TPM4: variants seen among roughly 807,000 people sequenced by gnomAD.
TPM4 encodes the protein tropomyosin alpha-4 chain.
In TPM4, 17 loss-of-function variants were observed where a neutral mutation model predicts 35.8. That is an observed-to-expected ratio of 0.47 (90% CI 0.32 to 0.71). The LOEUF (loss-of-function observed/expected upper bound fraction) is 0.71. Ranked by LOEUF, TPM4 falls within the 30% of genes least tolerant of loss-of-function variation. The probability of loss-of-function intolerance (pLI) is 0.03; values close to 1 mark genes in which losing one functional copy is unlikely to be tolerated. For missense variants in TPM4, 240 were observed against 320.9 expected (o/e 0.75, Z 1.93); for synonymous variants, 120 against 122.9 (o/e 0.98, Z 0.15).
chr19:16,069,471 A>G (rs1199113086), intron 2 of TPM4, among the ~76,000 whole-genome samples: 13 of 4,600 alleles, frequency 2.8e-3, no homozygotes, highest in Non-Finnish European at 3.8e-3. Context: ...GTGAATGTGT[A>G]TGGATGAGTG....
chr19:16,096,981 TCTCA>T (rs2090708304), intron 7 of TPM4, among the ~76,000 whole-genome samples: 1 of 116,228 alleles, frequency 8.6e-6, no homozygotes, highest in Non-Finnish European at 1.7e-5. Context: ...CAAGACAGGG[TCTCA>T]CTCTGTTGCC....
intron 7 of TPM4, among the ~76,000 whole-genome samples, chr19:16,098,302 G>A (rs1016547793): frequency 9.9e-5 from 15 of 152,086 alleles, no homozygotes; most frequent in African/African-American, 3.4e-4. Flanking sequence ...AATTAGCCGG[G>A]CATGGTCATG....
intron 2 of TPM4, among the ~76,000 whole-genome samples, chr19:16,083,129 C>T (rs559724300): frequency 6.6e-6 from 1 of 152,052 alleles, no homozygotes; most frequent in Non-Finnish European, 1.5e-5. Context: ...CAGTTGCAAA[C>T]CAGCATGGTT....
intron 1 of TPM4, among the ~76,000 whole-genome samples, chr19:16,078,738 G>A (rs1043900040): frequency 1.3e-5 from 2 of 150,138 alleles, no homozygotes; most frequent in East Asian, 2.0e-4. Flanking sequence ...GAAAAAGTTC[G>A]AAAAGTTCTT....
rs2090765682 is a variant in TPM4, at chr19:16,101,780, A to C, written c.*434A>C. 2 of 230,022 alleles carry C rather than the reference A, an allele frequency of 8.7e-6. No homozygotes were observed. Among genetic ancestry groups the C allele is most frequent in the Middle Eastern group, 1.3e-3 (1 of 780 alleles). The allele number at this position is 230,022 out of a possible 1,614,324, so 14.2% of individuals were successfully genotyped here. A position where few individuals can be genotyped will look rare whatever the true frequency, so the allele number is the denominator to read the frequency against. On this transcript the variant is annotated 3_prime_UTR_variant, in exon 8 of 8. Coordinates refer to ENST00000643579, the MANE Select transcript of TPM4 (RefSeq NM_003290.3). ...AACTGTTGGTCAAACTATAGGAGAGACCAGGGACCATCACATGGGTAGGGA... is the reference window on the plus strand; with the variant it reads ...AACTGTTGGTCAAACTATAGGAGAGCCCAGGGACCATCACATGGGTAGGGA...
At chr19:16,086,576 G>A (rs2090555726) in intron 3 of TPM4, 36 bp downstream of exon 3, 3 of 1,571,708 alleles carry the variant, frequency 1.9e-6, no homozygotes, top group Non-Finnish European at 1.7e-6. Flanking sequence ...GCAGCAGGAA[G>A]TGGGAGGAAA....
chr19:16,077,223 C>T (rs2090420583), intron 1 of TPM4: 1 of 146,032 alleles, frequency 6.8e-6, no homozygotes, highest in African/African-American at 2.5e-5. Context: ...CCGGCTTCTG[C>T]TTGCTTCCCT....
rs573354087 is a variant in TPM4, at chr19:16,079,422, C to G, written c.133-2491C>G. Among the ~76,000 whole-genome samples the G allele has an allele frequency of 2.6e-4, 39 of 152,244 alleles. No individual in the cohort carries two copies. In the South Asian group the frequency reaches 8.1e-3, roughly 32 times the overall value. On this transcript the variant is annotated intron_variant, in intron 1 of 7. Transcript: ENST00000643579. ...TGAAGGTGGTAGGAGGAGTTAAGAT[C>G]TAGGCAATTAAAAAGAATGAAAGGC...
chr19:16,098,594 G>A (rs1012557620), intron 7 of TPM4, among the ~76,000 whole-genome samples: 1 of 152,144 alleles, frequency 6.6e-6, no homozygotes, highest in Non-Finnish European at 1.5e-5. Flanking sequence ...CAAAATAGAT[G>A]CTAAAGCATC....
At chr19:16,080,631 CGA>C (rs2090471711) in intron 1 of TPM4, among the ~76,000 whole-genome samples, 1 of 152,020 alleles carries the variant, frequency 6.6e-6, no homozygotes, top group Non-Finnish European at 1.5e-5. Flanking sequence ...ACCAACAAGA[CGA>C]AACCCTGTCT....
At position 16,085,796 on chromosome 19, in the gene TPM4, C is replaced by T. The variant is rs534628278; in HGVS notation, c.267-627C>T. Among the ~76,000 whole-genome samples, 9 of 152,198 alleles carry T rather than the reference C, an allele frequency of 5.9e-5. No individual in the cohort carries two copies. In the South Asian group the frequency reaches 1.7e-3, roughly 28 times the overall value. On this transcript the variant is annotated intron_variant, in intron 2 of 7. Coordinates refer to ENST00000643579, the MANE Select transcript of TPM4 (RefSeq NM_003290.3). ...AGTAAAGATGAAGGGAGGCTGGGCG[C>T]GGTGGCTCACACCTGTAATCCCAGC...
At chr19:16,068,053 A>G in intron 2 of TPM4, 2 of 423,202 alleles carry the variant, frequency 4.7e-6, no homozygotes, top group Admixed American at 8.5e-5. Context: ...TGTGTACTAG[A>G]TAGGGCGGTT....
Position 16,089,118 on chromosome 19 carries a change from A to G in TPM4, c.529A>G (p.Lys177Glu). ...GAAATCTCTGGAGGCTGCATCTGAAAAGGTAGGTGGTTGGCTTGAGCTGGA... is the reference window on the plus strand; with the variant it reads ...GAAATCTCTGGAGGCTGCATCTGAAGAGGTAGGTGGTTGGCTTGAGCTGGA... The part of the protein sequence containing the change: ...NLKSLEAASE[K>E]YSEKEDKYEE... The change falls in exon 5 of 8, where the codon AAG (lysine) becomes GAG (glutamate). Residue 177 changes from lysine (K) to glutamate (E), a missense_variant and splice_region_variant. By Grantham distance (56) the Lys-to-Glu change is moderately conservative (BLOSUM62 1). Transcript: ENST00000643579. The G allele has an allele frequency of 6.2e-7, 1 of 1,613,506 alleles. No individual in the cohort carries two copies. Among genetic ancestry groups the G allele is most frequent in the Non-Finnish European group, 8.5e-7 (1 of 1,179,984 alleles).
upstream of TPM4, chr19:16,075,977 GACCGCCCCTGC>G (rs1322863624): frequency 4.5e-6 from 7 of 1,542,732 alleles, no homozygotes; most frequent in East Asian, 1.7e-4. Flanking sequence ...TATTGGGGGG[GACCGCCCCTGC>G]ACCTCGGGGA....
intron 7 of TPM4, 85 bp from the exon 8 acceptor site, chr19:16,101,179 G>GAA: frequency 1.1e-5 from 12 of 1,140,222 alleles, no homozygotes; most frequent in East Asian, 2.8e-5. Context: ...TCAAGAAGAA[G>GAA]AAAAAAAAAC....
intron 4 of TPM4, chr19:16,088,618 TGA>T: frequency 9.7e-7 from 1 of 1,035,732 alleles, no homozygotes; most frequent in Non-Finnish European, 1.2e-6. Context: ...CCGGGAGTGC[TGA>T]GAGAGATCTG....
intron 5 of TPM4, among the ~76,000 whole-genome samples, chr19:16,090,483 G>A (rs1279696330): frequency 6.6e-6 from 1 of 151,412 alleles, no homozygotes; most frequent in African/African-American, 2.4e-5. Context: ...TGAACTCCTG[G>A]CCTCAAGTGA....
At chr19:16,069,966 C>G (rs904309855) in intron 2 of TPM4, among the ~76,000 whole-genome samples, 3 of 150,986 alleles carry the variant, frequency 2.0e-5, no homozygotes, top group Non-Finnish European at 3.0e-5. Flanking sequence ...TCATGGGCAC[C>G]TGCCCAGGAG....
upstream of TPM4, among the ~76,000 whole-genome samples, chr19:16,072,957 A>T (rs1381153909): frequency 1.3e-5 from 2 of 152,164 alleles, no homozygotes; most frequent in African/African-American, 4.8e-5. Context: ...TCTAAATGCC[A>T]GATAGCCCCC....
Sources: gnomAD v4.1 joint callset for allele counts (sites outside exome capture counted in the v4.1 genomes callset) on GRCh38, gnomAD v4.1.1 for gene constraint, MANE v1.5 for transcripts, NCBI Gene and HGNC (gene_info 2026-07-23, HGNC 2026-07-21) for gene names.